The following RAD51B variants were observed in gnomAD, a reference collection of about 807,000 sequenced individuals.
The protein encoded by RAD51B is DNA repair protein RAD51 homolog 2.
Under a neutral mutation model 42.2 loss-of-function variants are expected in RAD51B, and 38 were observed. That is an observed-to-expected ratio of 0.90 (90% CI 0.70 to 1.18). The LOEUF is 1.18. Ranked by LOEUF, RAD51B falls within the 50% of genes most tolerant of loss-of-function variation. The pLI is 0.00. For synonymous variants in RAD51B, 154 were observed against 145.2 expected, an observed-to-expected ratio of 1.06 and a Z score of -0.43; for missense variants, 373 against 400.7, an observed-to-expected ratio of 0.93 and a Z score of 0.59.
intron 7 of RAD51B, among the ~76,000 whole-genome samples, chr14:67,888,408 G>A (rs1381098846): frequency 6.6e-6 from 1 of 152,070 alleles, no homozygotes; most frequent in African/African-American, 2.4e-5. Flanking sequence ...CTGCATCCAT[G>A]GATTCAACCA....
intron 7 of RAD51B, among the ~76,000 whole-genome samples, chr14:68,090,173 A>G (rs1023698367): frequency 3.9e-5 from 6 of 152,222 alleles, no homozygotes; most frequent in African/African-American, 1.4e-4. Context: ...AGACCTTTAT[A>G]TCAAGAGCTT....
chr14:67,952,963 AATTAC>A (rs1378993529), intron 7 of RAD51B, among the ~76,000 whole-genome samples: 2 of 152,056 alleles, frequency 1.3e-5, no homozygotes, highest in African/African-American at 4.8e-5. Flanking sequence ...GAATGCCTGT[AATTAC>A]ATTAGCTGTT....
At chr14:68,106,414 GT>G (rs199757281) in intron 7 of RAD51B, among the ~76,000 whole-genome samples, 2,598 of 151,930 alleles carry the variant, frequency 0.017, 33 homozygotes, top group African/African-American at 0.037. Context: ...GATGTGGTAG[GT>G]TTTTTTATTT....
At chr14:68,112,696 C>T (rs2077478203) in intron 7 of RAD51B, among the ~76,000 whole-genome samples, 2 of 152,028 alleles carry the variant, frequency 1.3e-5, no homozygotes, top group Non-Finnish European at 2.9e-5. Context: ...GAGTTGAATT[C>T]AGAGGGAGAA....
At position 67,865,125 on chromosome 14, in the gene RAD51B, A is replaced by G. The variant is rs2042294619; in HGVS notation, c.438A>G (p.Ala146=). The G allele has an allele frequency of 1.3e-6, 2 of 1,599,448 alleles. 1 individual carries two copies. The highest frequency in any genetic ancestry group is 2.3e-5 in the South Asian group (2 of 88,228). The change falls in exon 5 of 11, where the codon GCA becomes GCG. Residue 146 remains alanine (A), a synonymous_variant. Coordinates refer to ENST00000471583, the MANE Select transcript of RAD51B (RefSeq NM_133510.4). ...TGGTGTACATTGACACAGAGTCTGCATTTAGTGCTGAAAGGTATGAGATTT... is the reference window on the plus strand; with the variant it reads ...TGGTGTACATTGACACAGAGTCTGCGTTTAGTGCTGAAAGGTATGAGATTT... ...GAVVYIDTES[A]FSAERLVEIA...
chr14:68,091,757 A>C (rs187364750), intron 7 of RAD51B, among the ~76,000 whole-genome samples: 84 of 152,230 alleles, frequency 5.5e-4, no homozygotes, highest in Non-Finnish European at 1.1e-3. Flanking sequence ...GGTGTGTTAG[A>C]CATGAAGTCC....
At chr14:68,015,537 CA>C (rs1388267472) in intron 7 of RAD51B, among the ~76,000 whole-genome samples, 2 of 152,200 alleles carry the variant, frequency 1.3e-5, no homozygotes, top group African/African-American at 4.8e-5. Flanking sequence ...TCATGTCTTA[CA>C]TGGCCGCAGA....
chr14:68,481,108 A>T (rs1883142283), downstream of RAD51B, among the ~76,000 whole-genome samples: 1 of 152,202 alleles, frequency 6.6e-6, no homozygotes, highest in South Asian at 2.1e-4. Context: ...AACAAGAAAA[A>T]GGTAAATGTA....
At chr14:68,153,262 C>T (rs976100249) in intron 7 of RAD51B, among the ~76,000 whole-genome samples, 1 of 152,108 alleles carries the variant, frequency 6.6e-6, no homozygotes, top group African/African-American at 2.4e-5. Context: ...TTGTTTTAGT[C>T]AATTATCTGT....
chr14:67,864,823 G>C (rs778684475), intron 4 of RAD51B, 180 bp from the exon 5 acceptor site: 1 of 1,008,662 alleles, frequency 9.9e-7, no homozygotes, highest in Non-Finnish European at 1.5e-6. Context: ...AGATGCAGAG[G>C]GGAGAAGTTA....
chr14:68,501,363 C>G lies in RAD51B; in HGVS notation c.1036+33113C>G, dbSNP rs1459472258. On this transcript the variant is annotated intron_variant, in intron 10 of 10. Transcript: ENST00000487270. ...TGCTCTCCTGACCGCTCCTGTTGCC[C>G]TTGGCCACCTTATTTTAAATATGAG... 6.6e-5 allele frequency among the ~76,000 whole-genome samples: 10 copies of G among 152,344 alleles called. No individual in the cohort carries two copies. The South Asian group carries it at 2.1e-3, about 32-fold the overall frequency.
At chr14:68,666,232 T>C (rs1211751412) in intron 11 of RAD51B, among the ~76,000 whole-genome samples, 1 of 152,162 alleles carries the variant, frequency 6.6e-6, no homozygotes, top group Non-Finnish European at 1.5e-5. Flanking sequence ...AACACATTAT[T>C]TTATCCCTGA....
At chr14:68,012,442 A>G (rs1174362771) in intron 7 of RAD51B, among the ~76,000 whole-genome samples, 1 of 151,860 alleles carries the variant, frequency 6.6e-6, no homozygotes, top group African/African-American at 2.4e-5. Flanking sequence ...TTATATATAT[A>G]TATCTAGAGA....
At chr14:67,894,038 A>G (rs983471479) in intron 7 of RAD51B, among the ~76,000 whole-genome samples, 2 of 152,168 alleles carry the variant, frequency 1.3e-5, no homozygotes, top group Non-Finnish European at 2.9e-5. Flanking sequence ...CTATTTGCTA[A>G]TTTTATGACC....
intron 7 of RAD51B, among the ~76,000 whole-genome samples, chr14:67,927,299 G>A (rs1193093238): frequency 1.3e-5 from 2 of 152,120 alleles, no homozygotes; most frequent in East Asian, 3.8e-4. Context: ...TAATGATCAA[G>A]TCTCCATCAT....
chr14:68,055,868 A>T lies in RAD51B; in HGVS notation c.756+168664A>T, dbSNP rs1285262316. On this transcript the variant is annotated intron_variant, in intron 7 of 10. Coordinates refer to ENST00000471583, the MANE Select transcript of RAD51B (RefSeq NM_133510.4). ...TCACAAAACGTGAGTTTTATATTCC[A>T]TTGGTCACACTGACCAACTCCAATT... 2.0e-5 allele frequency among the ~76,000 whole-genome samples: 3 copies of T among 152,188 alleles called. No individual in the cohort carries two copies. The East Asian group carries it at 5.8e-4, about 29-fold the overall frequency.
intron 8 of RAD51B, among the ~76,000 whole-genome samples, chr14:68,345,388 G>A (rs1264306473): frequency 1.3e-5 from 2 of 152,186 alleles, no homozygotes; most frequent in East Asian, 3.8e-4. Flanking sequence ...TATGGGGGCA[G>A]ATCCTTCATG....
At chr14:67,963,238 T>G (rs1348973234) in intron 7 of RAD51B, among the ~76,000 whole-genome samples, 1 of 152,142 alleles carries the variant, frequency 6.6e-6, no homozygotes, top group Non-Finnish European at 1.5e-5. Flanking sequence ...AATTGATATT[T>G]TTTATTTTTA....
intron 7 of RAD51B, among the ~76,000 whole-genome samples, chr14:67,970,899 T>C (rs1017092557): frequency 6.6e-6 from 1 of 152,150 alleles, no homozygotes; most frequent in African/African-American, 2.4e-5. Context: ...CCAAGTGTTA[T>C]AATTCTTTCA....
Sources: gnomAD v4.1 joint callset for allele counts (sites outside exome capture counted in the v4.1 genomes callset) on GRCh38, gnomAD v4.1.1 for gene constraint, MANE v1.5 for transcripts, NCBI Gene and HGNC (gene_info 2026-07-23, HGNC 2026-07-21) for gene names.